Variants in MARCHF11 observed in about 807,000 individuals in gnomAD.
MARCHF11 encodes the protein membrane associated ring-CH-type finger 11.
MARCHF11 carries 29 observed loss-of-function variants against 37.3 expected under a neutral mutation model. That is an observed-to-expected ratio of 0.78 (90% CI 0.58 to 1.06). MARCHF11 has a LOEUF of 1.06. Ranked by LOEUF, MARCHF11 falls within the 50% of genes least tolerant of loss-of-function variation. The pLI, the probability that MARCHF11 is intolerant of heterozygous loss-of-function variation, is 0.00. For synonymous variants in MARCHF11, 233 were observed against 228.0 expected (o/e 1.02, Z -0.20); for missense variants, 482 against 533.4 (o/e 0.90, Z 0.95).
intron 2 of MARCHF11, among the ~76,000 whole-genome samples, chr5:16,108,386 A>T (rs1243558759): frequency 6.6e-6 from 1 of 152,222 alleles, no homozygotes; most frequent in South Asian, 2.1e-4. Context: ...GGGGCCAGGG[A>T]ACTCTCCCGT....
intron 2 of MARCHF11, among the ~76,000 whole-genome samples, chr5:16,137,039 A>C (rs1434722893): frequency 6.6e-6 from 1 of 152,242 alleles, no homozygotes; most frequent in Non-Finnish European, 1.5e-5. Flanking sequence ...AAATTAAATA[A>C]TAAAACAAAT....
At chr5:16,085,865 G>A (rs892311405) in intron 3 of MARCHF11, among the ~76,000 whole-genome samples, 1 of 147,534 alleles carries the variant, frequency 6.8e-6, no homozygotes, top group South Asian at 2.1e-4. Context: ...GCATGAACCC[G>A]GGAGGTGGAG....
At chr5:16,086,070 G>C (rs936305278) in intron 3 of MARCHF11, among the ~76,000 whole-genome samples, 1 of 149,840 alleles carries the variant, frequency 6.7e-6, no homozygotes, top group African/African-American at 2.5e-5. Flanking sequence ...GGTCCCTAAA[G>C]GCAAAAATTG....
At chr5:16,077,873 T>G (rs1736546368) in intron 3 of MARCHF11, among the ~76,000 whole-genome samples, 1 of 152,200 alleles carries the variant, frequency 6.6e-6, no homozygotes, top group African/African-American at 2.4e-5. Context: ...TGTTCCCTTT[T>G]GTTTTAGACT....
chr5:16,150,463 T>G (rs1737871771), intron 2 of MARCHF11, among the ~76,000 whole-genome samples: 1 of 149,598 alleles, frequency 6.7e-6, no homozygotes, highest in Non-Finnish European at 1.5e-5. Flanking sequence ...TGGGCAAGCC[T>G]GAGAGCCCTG....
intron 3 of MARCHF11, among the ~76,000 whole-genome samples, chr5:16,076,306 A>G (rs1424393997): frequency 6.6e-6 from 1 of 152,172 alleles, no homozygotes; most frequent in Non-Finnish European, 1.5e-5. Context: ...TTTTTTTTAA[A>G]TGGATTAACA....
chr5:16,157,080 TGAAAA>T (rs765183602), intron 2 of MARCHF11, among the ~76,000 whole-genome samples: 1 of 151,888 alleles, frequency 6.6e-6, no homozygotes. Context: ...GTGAACTATT[TGAAAA>T]GAAATCAATA....
chr5:16,079,104 C>T (rs1736565640), intron 3 of MARCHF11, among the ~76,000 whole-genome samples: 1 of 152,172 alleles, frequency 6.6e-6, no homozygotes, highest in Admixed American at 6.5e-5. Flanking sequence ...CCCCCTAGAC[C>T]CATGTGATTC....
intron 3 of MARCHF11, among the ~76,000 whole-genome samples, chr5:16,083,478 A>G (rs1048257908): frequency 1.3e-5 from 2 of 152,144 alleles, no homozygotes; most frequent in Admixed American, 1.3e-4. Flanking sequence ...CTTACCAACA[A>G]TTACACTTTC....
At chr5:16,113,818 C>A (rs759930097) in intron 2 of MARCHF11, among the ~76,000 whole-genome samples, 1 of 152,104 alleles carries the variant, frequency 6.6e-6, no homozygotes. Context: ...TTGAAATATA[C>A]AATATATTGC....
At chr5:16,094,981 T>C (rs889392719) in intron 2 of MARCHF11, among the ~76,000 whole-genome samples, 10 of 152,108 alleles carry the variant, frequency 6.6e-5, no homozygotes, top group Non-Finnish European at 1.3e-4. Flanking sequence ...CAGAGAGAAG[T>C]TAAACAACGT....
At chr5:16,142,884 C>CTTTTTT (rs61225598) in intron 2 of MARCHF11, among the ~76,000 whole-genome samples, 12 of 52,212 alleles carry the variant, frequency 2.3e-4, no homozygotes, top group African/African-American at 1.0e-3. Flanking sequence ...CCACACCTGG[C>CTTTTTT]TTTTTTTTTT....
chr5:16,100,721 G>A (rs1736940573), intron 2 of MARCHF11, among the ~76,000 whole-genome samples: 1 of 152,140 alleles, frequency 6.6e-6, no homozygotes, highest in South Asian at 2.1e-4. Flanking sequence ...CTACCTGTCT[G>A]TCTCCATTCA....
At position 16,125,131 on chromosome 5, in the gene MARCHF11, G is replaced by A. The variant is rs985321759; in HGVS notation, c.694-34050C>T. ...TGTGTGACAGCAAAGTGGTGTTTAA[G>A]CCATACATCGTAATTTGCAATTCCA... On this transcript the variant is annotated intron_variant, in intron 2 of 3. Transcript: ENST00000332432. 5.3e-5 allele frequency among the ~76,000 whole-genome samples: 8 copies of A among 151,394 alleles called. 1 individual carries two copies. The highest frequency in any genetic ancestry group is 5.3e-4 in the Admixed American group (8 of 15,170).
At chr5:16,107,795 A>C (rs1281119120) in intron 2 of MARCHF11, among the ~76,000 whole-genome samples, 1 of 152,004 alleles carries the variant, frequency 6.6e-6, no homozygotes, top group Non-Finnish European at 1.5e-5. Context: ...GTGGCAGAGA[A>C]ACAGAGAAGG....
intron 2 of MARCHF11, among the ~76,000 whole-genome samples, chr5:16,149,006 A>G (rs1737848725): frequency 6.6e-6 from 1 of 152,198 alleles, no homozygotes; most frequent in African/African-American, 2.4e-5. Context: ...GGACACAGCC[A>G]CAATAGAACA....
chr5:16,086,445 T>A (rs1453097761), intron 3 of MARCHF11, among the ~76,000 whole-genome samples: 1 of 152,130 alleles, frequency 6.6e-6, no homozygotes, highest in Non-Finnish European at 1.5e-5. Context: ...TTAGGAAAAA[T>A]TTTAAGAGAC....
At chr5:16,094,180 T>G (rs1387121961) in intron 2 of MARCHF11, among the ~76,000 whole-genome samples, 1 of 152,200 alleles carries the variant, frequency 6.6e-6, no homozygotes, top group East Asian at 1.9e-4. Context: ...TACCATTATG[T>G]GCAAAAAGGA....
chr5:16,082,091 A>G (rs376005018), intron 3 of MARCHF11, among the ~76,000 whole-genome samples: 7 of 152,240 alleles, frequency 4.6e-5, no homozygotes, highest in African/African-American at 1.7e-4. Flanking sequence ...CAAAGCATAT[A>G]AAGGATAAAG....
Sources: gnomAD v4.1 joint callset for allele counts (sites outside exome capture counted in the v4.1 genomes callset) on GRCh38, gnomAD v4.1.1 for gene constraint, MANE v1.5 for transcripts, NCBI Gene and HGNC (gene_info 2026-07-23, HGNC 2026-07-21) for gene names.